The following ADAMTSL1 variants were observed in gnomAD, a reference collection of about 807,000 sequenced individuals.
ADAMTSL1 encodes the protein ADAMTS-like protein 1.
A neutral mutation model predicts 201.8 loss-of-function variants in ADAMTSL1; 126 were observed. That is an observed-to-expected ratio of 0.62 (90% confidence interval 0.54 to 0.72). The LOEUF (loss-of-function observed/expected upper bound fraction) is 0.72. Among genes scored for constraint, ADAMTSL1 ranks in the 30% least tolerant of loss-of-function variants. The pLI is 0.00. For synonymous variants in ADAMTSL1, 1,121 were observed against 903.4 expected (o/e 1.24, Z -4.32); for missense variants, 2,679 against 2,277.8 (o/e 1.18, Z -3.59).
In ADAMTSL1 at chr9:18,824,387, T is replaced by C. The variant is rs537535031; in HGVS notation, c.3935-1897T>C. ...CACACTTGAGCATAAAGTATCCTAC[T>C]GTTAGAGCCAGATTAGCGTGTGCCT... is the stretch of plus-strand genomic sequence containing the variant. On this transcript the variant is annotated intron_variant, in intron 21 of 28. Coordinates refer to ENST00000380548, the MANE Select transcript of ADAMTSL1 (RefSeq NM_001040272.6). Among the ~76,000 whole-genome samples, 46 of 152,314 alleles carry C rather than the reference T, an allele frequency of 3.0e-4. 1 individual carries two copies. In the South Asian group the frequency reaches 9.5e-3, roughly 32 times the overall value.
At chr9:18,857,033 T>C (rs1826901432) in intron 23 of ADAMTSL1, among the ~76,000 whole-genome samples, 1 of 152,154 alleles carries the variant, frequency 6.6e-6, no homozygotes, top group African/African-American at 2.4e-5. Flanking sequence ...GAGGTCTCAG[T>C]GGATAGAGCA....
Position 18,452,315 on chromosome 9 carries a change from C to A in ADAMTSL1, c.208-52514C>A, listed in dbSNP as rs147768094. Among the ~76,000 whole-genome samples, 1,293 of 152,278 alleles carry A rather than the reference C, an allele frequency of 8.5e-3. 15 individuals carry two copies. The highest frequency in any genetic ancestry group is 0.024 in the Middle Eastern group (7 of 294). Reference sequence around the variant, plus strand: ...GGGCAGAACCTTCATGACCTAATCACCTCTTAAAAGTTCAACCTCTCAACA... The same window carrying A: ...GGGCAGAACCTTCATGACCTAATCAACTCTTAAAAGTTCAACCTCTCAACA... On this transcript the variant is annotated intron_variant, in intron 2 of 29. Transcript: ENST00000680146.
At chr9:18,161,165 T>C (rs1827372014) in intron 1 of ADAMTSL1, among the ~76,000 whole-genome samples, 1 of 151,948 alleles carries the variant, frequency 6.6e-6, no homozygotes, top group Admixed American at 6.6e-5. Context: ...TAATTAAAAA[T>C]TAAAGTATAA....
intron 2 of ADAMTSL1, among the ~76,000 whole-genome samples, chr9:18,236,428 A>G (rs72684943): frequency 0.033 from 5,087 of 152,288 alleles, 132 homozygotes; most frequent in Non-Finnish European, 0.054. Flanking sequence ...AGCTGTATCT[A>G]TATATTTCAG....
chr9:18,754,889 G>A (rs1029320022), intron 16 of ADAMTSL1, among the ~76,000 whole-genome samples: 1 of 152,146 alleles, frequency 6.6e-6, no homozygotes, highest in South Asian at 2.1e-4. Flanking sequence ...GAACACCAAT[G>A]TACCAGCGCT....
rs75562438 is a variant in ADAMTSL1, at chr9:18,313,453, A to G, written c.207+149472A>G. On this transcript the variant is annotated intron_variant, in intron 2 of 29. Transcript: ENST00000680146. ...TTCTTAACTTTGGACACACATTAGA[A>G]TCATAGAGAGTTTTTAAAAAATACC... is the stretch of plus-strand genomic sequence containing the variant. Among the ~76,000 whole-genome samples the G allele has an allele frequency of 3.8e-3, 585 of 152,276 alleles. 3 individuals are homozygous for G. Among genetic ancestry groups the G allele is most frequent in the African/African-American group, 0.013 (560 of 41,564 alleles).
chr9:18,900,690 G>A (rs1336089167), intron 26 of ADAMTSL1, among the ~76,000 whole-genome samples: 3 of 143,044 alleles, frequency 2.1e-5, no homozygotes, highest in South Asian at 2.3e-4. Context: ...ACCAAACACC[G>A]TATATTTCCA....
chr9:18,297,532 C>T (rs983878140), intron 2 of ADAMTSL1, among the ~76,000 whole-genome samples: 2 of 152,028 alleles, frequency 1.3e-5, no homozygotes, highest in African/African-American at 2.4e-5. Flanking sequence ...AGTTGCCACA[C>T]GAAAATTAAA....
intron 2 of ADAMTSL1, among the ~76,000 whole-genome samples, chr9:18,183,950 G>C (rs1278809662): frequency 6.6e-6 from 1 of 152,154 alleles, no homozygotes; most frequent in African/African-American, 2.4e-5. Context: ...AGTTTCAACG[G>C]TAATTTAAAT....
At chr9:18,207,822 T>C (rs1829717041) in intron 2 of ADAMTSL1, among the ~76,000 whole-genome samples, 2 of 152,108 alleles carry the variant, frequency 1.3e-5, no homozygotes, top group African/African-American at 4.8e-5. Flanking sequence ...GAAAGCAAGA[T>C]AGGATAAATA....
chr9:18,894,345 CTTTT>C (rs56112949), intron 26 of ADAMTSL1, among the ~76,000 whole-genome samples: 25 of 124,016 alleles, frequency 2.0e-4, no homozygotes, highest in African/African-American at 5.4e-4. Context: ...AAAACCTTGT[CTTTT>C]TTTTTTTTTT....
At chr9:18,026,249 T>C (rs144448296) in intron 1 of ADAMTSL1, among the ~76,000 whole-genome samples, 15 of 152,202 alleles carry the variant, frequency 9.9e-5, no homozygotes, top group African/African-American at 3.6e-4. Flanking sequence ...CTGTAATACA[T>C]AGAAGTGGTG....
intron 1 of ADAMTSL1, among the ~76,000 whole-genome samples, chr9:18,075,401 G>C (rs2131748044): frequency 6.6e-6 from 1 of 152,236 alleles, no homozygotes; most frequent in Non-Finnish European, 1.5e-5. Context: ...GTTTAACATG[G>C]GTGGGAGCCA....
chr9:18,529,332 A>C (rs753044973), intron 2 of ADAMTSL1, among the ~76,000 whole-genome samples: 2 of 152,184 alleles, frequency 1.3e-5, no homozygotes, highest in South Asian at 4.1e-4. Flanking sequence ...CCTCAGGCCT[A>C]TTCCCTTCTC....
chr9:18,125,334 C>T (rs766314412), intron 1 of ADAMTSL1, among the ~76,000 whole-genome samples: 3 of 152,136 alleles, frequency 2.0e-5, no homozygotes, highest in Non-Finnish European at 2.9e-5. Flanking sequence ...CCCCATAATT[C>T]AATCACCTCT....
intron 23 of ADAMTSL1, among the ~76,000 whole-genome samples, chr9:18,838,215 G>C (rs1473670667): frequency 6.6e-6 from 1 of 152,012 alleles, no homozygotes; most frequent in East Asian, 1.9e-4. Context: ...GATCTCATGA[G>C]ACTCATTCAT....
chr9:18,142,135 C>T (rs1237372593), intron 1 of ADAMTSL1, among the ~76,000 whole-genome samples: 1 of 152,180 alleles, frequency 6.6e-6, no homozygotes, highest in African/African-American at 2.4e-5. Flanking sequence ...CTAGCAGTCC[C>T]CTGACCTCTT....
At chr9:18,545,651 A>T (rs566461340) in intron 3 of ADAMTSL1, among the ~76,000 whole-genome samples, 25 of 152,286 alleles carry the variant, frequency 1.6e-4, no homozygotes, top group Non-Finnish European at 3.1e-4. Flanking sequence ...TGTCAAGAGG[A>T]TATAAATTTA....
At chr9:18,710,661 G>GTTTTTTT (rs1352571180) in intron 14 of ADAMTSL1, among the ~76,000 whole-genome samples, 3 of 79,634 alleles carry the variant, frequency 3.8e-5, no homozygotes, top group Admixed American at 1.7e-4. Context: ...AAGGGCCTAA[G>GTTTTTTT]TTTTGTTTTG....
Sources: gnomAD v4.1 joint callset for allele counts (sites outside exome capture counted in the v4.1 genomes callset) on GRCh38, gnomAD v4.1.1 for gene constraint, MANE v1.5 for transcripts, NCBI Gene and HGNC (gene_info 2026-07-23, HGNC 2026-07-21) for gene names.